The following LPP variants were observed in gnomAD, a reference collection of about 807,000 sequenced individuals.
LPP encodes LIM domain containing preferred translocation partner in lipoma, also known as lipoma-preferred partner.
In LPP, 38 loss-of-function variants were observed where a neutral mutation model predicts 60.4. The observed-to-expected ratio is 0.63, with a 90% confidence interval of 0.49 to 0.83. The LOEUF (loss-of-function observed/expected upper bound fraction) is 0.83. Among genes scored for constraint, LPP ranks in the 40% least tolerant of loss-of-function variants. The pLI, the probability that LPP is intolerant of heterozygous loss-of-function variation, is 0.00. For synonymous variants in LPP, 328 were observed against 290.8 expected (o/e 1.13, Z -1.30); for missense variants, 902 against 783.6 (o/e 1.15, Z -1.80).
intron 3 of LPP, among the ~76,000 whole-genome samples, chr3:188,362,621 A>G (rs570134906): frequency 5.9e-5 from 9 of 152,304 alleles, no homozygotes; most frequent in African/African-American, 1.7e-4. Flanking sequence ...TGTTTACAAT[A>G]TGAACACACA....
At chr3:188,406,533 G>T (rs1476558784) in intron 4 of LPP, among the ~76,000 whole-genome samples, 1 of 152,314 alleles carries the variant, frequency 6.6e-6, no homozygotes, top group Admixed American at 6.5e-5. Context: ...GTTACATAAT[G>T]AAATAGGGTT....
intron 6 of LPP, among the ~76,000 whole-genome samples, chr3:188,588,029 C>T (rs1252656219): frequency 2.0e-5 from 3 of 152,178 alleles, no homozygotes; most frequent in Non-Finnish European, 4.4e-5. Context: ...TACTTAAATT[C>T]CCCTAGTTGT....
At chr3:188,534,272 TTGA>T (rs1386614449) in intron 6 of LPP, among the ~76,000 whole-genome samples, 2 of 152,248 alleles carry the variant, frequency 1.3e-5, no homozygotes, top group African/African-American at 4.8e-5. Flanking sequence ...TTGTTTGACC[TTGA>T]TGAGTCCTTG....
chr3:188,586,532 GTGTC>G (rs973220888), intron 6 of LPP, among the ~76,000 whole-genome samples: 2 of 152,154 alleles, frequency 1.3e-5, no homozygotes, highest in African/African-American at 4.8e-5. Flanking sequence ...AGTCGTTAGA[GTGTC>G]TGTTTCAAAA....
intron 4 of LPP, among the ~76,000 whole-genome samples, chr3:188,436,424 T>C (rs1380653629): frequency 6.6e-6 from 1 of 152,244 alleles, no homozygotes; most frequent in Non-Finnish European, 1.5e-5. Context: ...TAACATTTCC[T>C]AGATTCTGTG....
chr3:188,799,727 C>T (rs1380278307), intron 9 of LPP, among the ~76,000 whole-genome samples: 1 of 152,134 alleles, frequency 6.6e-6, no homozygotes, highest in African/African-American at 2.4e-5. Context: ...GTGTCTTGCA[C>T]TTAAGGTTTA....
Position 188,879,588 on chromosome 3 carries a change from C to T in LPP, c.*5109C>T, listed in dbSNP as rs531369913. 9 of 190,352 alleles carry T rather than the reference C, an allele frequency of 4.7e-5. No homozygotes were observed. The highest frequency in any genetic ancestry group is 8.8e-5 in the Non-Finnish European group (8 of 90,702). The allele number at this position is 190,352 out of a possible 1,614,324, so 11.8% of individuals were successfully genotyped here. A position where few individuals can be genotyped will look rare whatever the true frequency, so the allele number is the denominator to read the frequency against. On this transcript the variant is annotated 3_prime_UTR_variant, in exon 12 of 12. Coordinates refer to ENST00000617246, the MANE Select transcript of LPP (RefSeq NM_001375462.1). ...ATTCATTTGTGACTGATCTAGTTTTCTCAGCTGTATGCAAAGTAATCTTTC... is the reference window on the plus strand; with the variant it reads ...ATTCATTTGTGACTGATCTAGTTTTTTCAGCTGTATGCAAAGTAATCTTTC...
At chr3:188,524,829 A>T in intron 6 of LPP, 42 bp downstream of exon 6, 1 of 1,590,924 alleles carries the variant, frequency 6.3e-7, no homozygotes, top group Non-Finnish European at 8.6e-7. Context: ...CCATTCCCAG[A>T]TATTCTACTC....
At chr3:188,165,876 C>T (rs1167286272) in intron 1 of LPP, among the ~76,000 whole-genome samples, 1 of 152,124 alleles carries the variant, frequency 6.6e-6, no homozygotes, top group African/African-American at 2.4e-5. Context: ...CTGGTCCCAG[C>T]GTAACACTGA....
intron 9 of LPP, among the ~76,000 whole-genome samples, chr3:188,820,275 G>GTGTGTGTT (rs1340543124): frequency 6.6e-6 from 1 of 151,958 alleles, no homozygotes; most frequent in Non-Finnish European, 1.5e-5. Context: ...TGGTGTTTGT[G>GTGTGTGTT]TGTGTGTGTT....
intron 1 of LPP, among the ~76,000 whole-genome samples, chr3:188,189,707 C>A (rs1459003391): frequency 6.6e-6 from 1 of 152,138 alleles, no homozygotes; most frequent in Non-Finnish European, 1.5e-5. Context: ...GCGTCACCTG[C>A]TTCAGTCTGG....
intron 9 of LPP, among the ~76,000 whole-genome samples, chr3:188,770,303 C>G (rs1042919234): frequency 1.6e-4 from 24 of 150,366 alleles, no homozygotes; most frequent in African/African-American, 5.9e-4. Context: ...CTCAGCCTCC[C>G]GAGTAGTTGG....
chr3:188,830,313 A>C (rs1223901657), intron 9 of LPP, among the ~76,000 whole-genome samples: 3 of 151,662 alleles, frequency 2.0e-5, no homozygotes, highest in Non-Finnish European at 2.9e-5. Flanking sequence ...ATTTAAAAAA[A>C]AAAAAAAAAG....
In LPP at chr3:188,874,412, T is replaced by A. The variant is rs762015101; in HGVS notation, c.1772T>A (p.Ile591Asn). The A allele has an allele frequency of 6.2e-7, 1 of 1,614,170 alleles. No homozygotes were observed. Among genetic ancestry groups the A allele is most frequent in the South Asian group, 1.1e-5 (1 of 91,082 alleles). Residue 591 changes from isoleucine (I) to asparagine (N), a missense_variant, in exon 12 of 12, where the codon ATC (isoleucine) becomes AAC (asparagine). Transcript: ENST00000617246. ...GGCTGCTACCCCTTGGATGGGCACA[T>A]CCTCTGCAAGACCTGCAACTCTGCC... ...NQGCYPLDGH[I>N]LCKTCNSARI...
chr3:188,241,699 A>C, intron 2 of LPP, among the ~76,000 whole-genome samples: 1 of 152,026 alleles, frequency 6.6e-6, no homozygotes, highest in East Asian at 1.9e-4. Flanking sequence ...TACATGGACA[A>C]CCTATTTTTA....
intron 7 of LPP, among the ~76,000 whole-genome samples, chr3:188,630,128 C>A (rs1485176590): frequency 6.6e-6 from 1 of 151,600 alleles, no homozygotes; most frequent in African/African-American, 2.4e-5. Flanking sequence ...ACAAGTGAGA[C>A]CTAATTAAAG....
chr3:188,844,267 T>C (rs1224911598), intron 9 of LPP, among the ~76,000 whole-genome samples: 2 of 152,216 alleles, frequency 1.3e-5, no homozygotes, highest in Non-Finnish European at 2.9e-5. Context: ...GTGAAAGTGC[T>C]GGCCTGCCTG....
chr3:188,351,912 C>T (rs1765965683), intron 3 of LPP, among the ~76,000 whole-genome samples: 2 of 152,196 alleles, frequency 1.3e-5, no homozygotes, highest in African/African-American at 2.4e-5. Context: ...TCCACACATA[C>T]ATCTGAGTCT....
chr3:188,285,162 G>A (rs928625147), intron 2 of LPP, among the ~76,000 whole-genome samples: 1 of 152,144 alleles, frequency 6.6e-6, no homozygotes, highest in East Asian at 1.9e-4. Context: ...TAAATTAGAA[G>A]ATAGTGATTT....
Sources: allele counts gnomAD v4.1 joint callset (sites outside exome capture counted in the v4.1 genomes callset), GRCh38; gene constraint gnomAD v4.1.1; transcripts MANE v1.5; gene names NCBI Gene and HGNC (gene_info 2026-07-23, HGNC 2026-07-21).